Variants in OGDHL observed in about 807,000 individuals in gnomAD.
The protein encoded by OGDHL is 2-oxoglutarate dehydrogenase-like, mitochondrial.
In OGDHL, 79 loss-of-function variants were observed where a neutral mutation model predicts 109.6. The observed-to-expected ratio is 0.72, with a 90% CI of 0.60 to 0.87. The LOEUF (loss-of-function observed/expected upper bound fraction) is 0.87, where lower values mean the gene tolerates loss of function less well. Ranked by LOEUF, OGDHL falls within the 40% of genes least tolerant of loss-of-function variation. The probability of loss-of-function intolerance (pLI) is 0.00; values close to 1 mark genes in which losing one functional copy is unlikely to be tolerated. For synonymous variants in OGDHL, 528 were observed against 537.2 expected (o/e 0.98, Z 0.24); for missense variants, 1,275 against 1,362.2 (o/e 0.94, Z 1.01).
At chr10:49,754,818 A>T (rs1051405190) in intron 3 of OGDHL, among the ~76,000 whole-genome samples, 2 of 152,224 alleles carry the variant, frequency 1.3e-5, no homozygotes, top group African/African-American at 4.8e-5. Context: ...AAAACCCTAC[A>T]GGACAAACCA....
Position 49,735,129 on chromosome 10 carries a change from C to G in OGDHL, c.*99G>C. 2 of 1,511,126 alleles carry G rather than the reference C, an allele frequency of 1.3e-6. No homozygotes were observed. Among genetic ancestry groups the G allele is most frequent in the East Asian group, 2.3e-5 (1 of 44,080 alleles). The allele number at this position is 1,511,126 out of a possible 1,614,324, so 93.6% of individuals were successfully genotyped here. A position where few individuals can be genotyped will look rare whatever the true frequency, so the allele number is the denominator to read the frequency against. ...GTGTCTGTTTTATCCTGGGGCCCCACAGCCCCTCTCCTGGGCAGGAGCTCC... is the reference window on the plus strand; with the variant it reads ...GTGTCTGTTTTATCCTGGGGCCCCAGAGCCCCTCTCCTGGGCAGGAGCTCC... On this transcript the variant is annotated 3_prime_UTR_variant, in exon 23 of 23. Transcript: ENST00000374103.
chr10:49,756,646 G>A (rs918257686), intron 3 of OGDHL, 130 bp downstream of exon 3: 16 of 893,922 alleles, frequency 1.8e-5, no homozygotes, highest in Admixed American at 3.0e-5. Flanking sequence ...AGTAGGTGCC[G>A]CTCAGTAGAG....
chr10:49,748,496 G>A (rs1241321737), intron 8 of OGDHL, among the ~76,000 whole-genome samples: 1 of 151,996 alleles, frequency 6.6e-6, no homozygotes, highest in African/African-American at 2.4e-5. Context: ...GTTCTGTTTT[G>A]TTGTTTTCAC....
In OGDHL at chr10:49,751,995, T is replaced by A. The variant is rs199945479; in HGVS notation, c.595-14A>T. The A allele has an allele frequency of 9.3e-6, 15 of 1,613,894 alleles. No homozygotes were observed. The highest frequency in any genetic ancestry group is 1.7e-5 in the Admixed American group (1 of 60,004). On this transcript the variant is annotated splice_polypyrimidine_tract_variant and intron_variant, in intron 5 of 22. Transcript: ENST00000374103. ...GCAGTAGGTGTTCTGGGGAGACACA[T>A]TGGGACCCCATGAGGAGCGGGGAAG...
At chr10:49,760,058 C>A (rs958483355) in intron 1 of OGDHL, among the ~76,000 whole-genome samples, 1 of 152,260 alleles carries the variant, frequency 6.6e-6, no homozygotes, top group Non-Finnish European at 1.5e-5. Context: ...GAGGGCAGGG[C>A]ACAGCCCTCC....
At chr10:49,739,501 G>T in intron 17 of OGDHL, 160 bp downstream of exon 17, 1 of 766,830 alleles carries the variant, frequency 1.3e-6, no homozygotes, top group Non-Finnish European at 2.0e-6. Context: ...CTCAGCAGCT[G>T]CAGCATGCAC....
intron 2 of OGDHL, 113 bp from the exon 3 acceptor site, chr10:49,757,059 A>G: frequency 9.5e-7 from 1 of 1,050,808 alleles, no homozygotes; most frequent in East Asian, 2.5e-5. Context: ...CACAGCTCTC[A>G]GGGCCTTCCC....
chr10:49,738,541 C>T (rs1223781476), intron 17 of OGDHL: 1 of 490,114 alleles, frequency 2.0e-6, no homozygotes, highest in East Asian at 3.7e-5. Context: ...CTGGAATGTC[C>T]TGGAACAGTG....
chr10:49,748,869 G>T (rs1441706492), intron 8 of OGDHL, among the ~76,000 whole-genome samples: 2 of 152,042 alleles, frequency 1.3e-5, no homozygotes, highest in Non-Finnish European at 2.9e-5. Context: ...CTGCCCAGGG[G>T]ACCCAGAGAG....
chr10:49,749,641 G>T (rs142257160), intron 8 of OGDHL, 85 bp downstream of exon 8: 1 of 1,192,298 alleles, frequency 8.4e-7, no homozygotes, highest in Admixed American at 2.3e-5. Flanking sequence ...ATCTCAGCCC[G>T]GAAGCTCCCG....
chr10:49,741,916 CCACA>C (rs772222221), intron 15 of OGDHL, among the ~76,000 whole-genome samples: 5 of 145,982 alleles, frequency 3.4e-5, no homozygotes, highest in Non-Finnish European at 7.6e-5. Flanking sequence ...AACACACACA[CCACA>C]CAGACTACAC....
chr10:49,749,910 C>A, intron 7 of OGDHL, 94 bp from the exon 8 acceptor site: 2 of 1,028,868 alleles, frequency 1.9e-6, no homozygotes, highest in Non-Finnish European at 1.4e-6. Context: ...CCTAATACAG[C>A]CCCTTCGTGC....
chr10:49,758,654 C>T (rs1242873764), intron 1 of OGDHL, 61 bp from the exon 2 acceptor site: 1 of 1,530,788 alleles, frequency 6.5e-7, no homozygotes, highest in South Asian at 1.1e-5. Context: ...AGAGGCTCTA[C>T]CAAGCCACTG....
At chr10:49,739,612 A>G in intron 17 of OGDHL, 49 bp downstream of exon 17, 1 of 1,588,618 alleles carries the variant, frequency 6.3e-7, no homozygotes, top group South Asian at 1.2e-5. Context: ...CCGCCCCTTC[A>G]AGGCCCGCCA....
intron 16 of OGDHL, 131 bp downstream of exon 16, chr10:49,740,579 C>T (rs959893661): frequency 6.3e-5 from 74 of 1,169,478 alleles, no homozygotes; most frequent in Non-Finnish European, 7.8e-5. Flanking sequence ...TCACCATCCC[C>T]CAGGGCCATC....
chr10:49,749,797 C>A lies in OGDHL; in HGVS notation c.916G>T (p.Ala306Ser), dbSNP rs777813244. The stretch of plus-strand genomic sequence containing the variant: ...TCCAGGTCCTTGCGGATCACGTTGG[C>A]CAGCACGTTCAGCCTTCCCCTGGAG... Reference protein sequence around the residue: ...MPHRGRLNVLANVIRKDLEQI... With the variant: ...MPHRGRLNVLSNVIRKDLEQI... Residue 306 changes from alanine (A) to serine (S), a missense_variant, in exon 8 of 23, where the codon GCC becomes TCC. Physicochemically the swap from Ala to Ser is moderately conservative, Grantham distance 99. Coordinates refer to ENST00000374103, the MANE Select transcript of OGDHL (RefSeq NM_018245.3). The A allele has an allele frequency of 8.8e-6, 14 of 1,599,238 alleles. No individual in the cohort carries two copies. In the South Asian group the frequency reaches 1.6e-4, roughly 18 times the overall value.
In OGDHL at chr10:49,750,930, C is replaced by T; in HGVS notation, c.805G>A (p.Gly269Ser). Reference protein sequence around the residue: ...WSSEKRFGLEGCEVMIPALKT... With the variant: ...WSSEKRFGLESCEVMIPALKT... Reference sequence around the variant, plus strand: ...AGGGCAGGAATCATCACTTCACAGCCCTCCAGGCCAAACCGCTTCTCTGAG... The same window carrying T: ...AGGGCAGGAATCATCACTTCACAGCTCTCCAGGCCAAACCGCTTCTCTGAG... Residue 269 changes from glycine to serine, a missense_variant, in exon 7 of 23, where the codon GGC becomes AGC. Physicochemically the swap from Gly to Ser is moderately conservative, Grantham distance 56. Transcript: ENST00000374103. 1 of 1,611,954 alleles carries T rather than the reference C, an allele frequency of 6.2e-7. No individual in the cohort carries two copies. The highest frequency in any genetic ancestry group is 8.5e-7 in the Non-Finnish European group (1 of 1,178,812).
rs1373236645 is a variant in OGDHL at position 49,752,734 on chromosome 10, C to A, written c.382G>T (p.Gly128Cys). ...GGGTCCAGCTGGGCCACATGGTGAC[C>A]CCGGATCTGGGAGGAGGGAAAAGAG... Reference protein sequence around the residue: ...QSLIRAYQIRGHHVAQLDPLG... With the variant: ...QSLIRAYQIRCHHVAQLDPLG... Residue 128 changes from glycine (G) to cysteine (C), a missense_variant, in exon 4 of 23, where the codon GGT becomes TGT. Gly to Cys is a radical substitution (Grantham distance 159). Coordinates refer to ENST00000374103, the MANE Select transcript of OGDHL (RefSeq NM_018245.3). The A allele has an allele frequency of 1.2e-6, 2 of 1,613,692 alleles. No individual in the cohort carries two copies. The highest frequency in any genetic ancestry group is 3.3e-5 in the Admixed American group (2 of 60,018).
In OGDHL at chr10:49,758,339, C is replaced by T. The variant is rs190318189; in HGVS notation, c.204+50G>A. ...CACTGCCCTGCCACAGCCCGGCCCC[C>T]GAGGGCTTCCCTCCCTTGCGGTGGC... On this transcript the variant is annotated intron_variant, in intron 2 of 22. Coordinates refer to ENST00000374103, the MANE Select transcript of OGDHL (RefSeq NM_018245.3). 24 of 1,554,150 alleles carry T rather than the reference C, an allele frequency of 1.5e-5. No individual in the cohort carries two copies. In the Admixed American group the frequency reaches 3.4e-4, roughly 22 times the overall value.
Sources: allele counts gnomAD v4.1 joint callset (sites outside exome capture counted in the v4.1 genomes callset), GRCh38; gene constraint gnomAD v4.1.1; transcripts MANE v1.5; gene names NCBI Gene and HGNC (gene_info 2026-07-23, HGNC 2026-07-21).